The following DSCAML1 variants were observed in gnomAD, a reference collection of about 807,000 sequenced individuals.
The protein encoded by DSCAML1 is cell adhesion molecule DSCAML1.
A neutral mutation model predicts 200.5 loss-of-function variants in DSCAML1; 38 were observed. The ratio of observed to expected loss-of-function variants is 0.19; its 90% CI spans 0.15 to 0.25. The LOEUF (loss-of-function observed/expected upper bound fraction) is 0.25. DSCAML1 is among the 10% of genes least tolerant of loss of function. The pLI is 1.00. For missense variants in DSCAML1, 2,223 were observed against 2,858.8 expected, an observed-to-expected ratio of 0.78 and a Z score of 5.07; for synonymous variants, 1,215 against 1,165.0, an observed-to-expected ratio of 1.04 and a Z score of -0.87.
At chr11:117,668,128 T>C (rs1215552462) in intron 3 of DSCAML1, among the ~76,000 whole-genome samples, 1 of 152,226 alleles carries the variant, frequency 6.6e-6, no homozygotes, top group Non-Finnish European at 1.5e-5. Context: ...ATTCACTCTT[T>C]TAAAAATATT....
intron 3 of DSCAML1, among the ~76,000 whole-genome samples, chr11:117,576,160 C>T (rs1054283393): frequency 6.6e-6 from 1 of 152,148 alleles, no homozygotes; most frequent in Non-Finnish European, 1.5e-5. Context: ...GTACCCTTAC[C>T]CGGACCTTCT....
chr11:117,510,575 C>T (rs910939396), intron 8 of DSCAML1, among the ~76,000 whole-genome samples: 2 of 152,180 alleles, frequency 1.3e-5, no homozygotes, highest in Admixed American at 1.3e-4. Flanking sequence ...GTCTCCTTGG[C>T]ACTCTCAGCC....
intron 3 of DSCAML1, among the ~76,000 whole-genome samples, chr11:117,739,628 G>A (rs187154241): frequency 6.6e-6 from 1 of 152,208 alleles, no homozygotes. Context: ...ACCCCACAGT[G>A]GATACTGGAC....
chr11:117,514,766 G>C (rs1291148784), intron 8 of DSCAML1, among the ~76,000 whole-genome samples: 2 of 152,022 alleles, frequency 1.3e-5, no homozygotes, highest in Non-Finnish European at 2.9e-5. Flanking sequence ...ATTTTTACTA[G>C]AGACAGGGTT....
chr11:117,491,749 G>T (rs1160626674), intron 11 of DSCAML1, among the ~76,000 whole-genome samples: 1 of 152,192 alleles, frequency 6.6e-6, no homozygotes, highest in Admixed American at 6.5e-5. Context: ...ACTCCAGCCT[G>T]TACAACAGAG....
intron 3 of DSCAML1, among the ~76,000 whole-genome samples, chr11:117,684,228 A>G (rs1463594950): frequency 2.0e-5 from 3 of 152,000 alleles, no homozygotes; most frequent in Non-Finnish European, 4.4e-5. Context: ...GCACAGGGAG[A>G]GCAAAAGAGG....
At chr11:117,634,379 C>T (rs1363236192) in intron 3 of DSCAML1, among the ~76,000 whole-genome samples, 1 of 152,198 alleles carries the variant, frequency 6.6e-6, no homozygotes, top group East Asian at 1.9e-4. Flanking sequence ...ATACCCTTTC[C>T]AGCCTCCGCT....
At chr11:117,784,609 C>A (rs1335072983) in intron 1 of DSCAML1, among the ~76,000 whole-genome samples, 1 of 152,164 alleles carries the variant, frequency 6.6e-6, no homozygotes, top group Non-Finnish European at 1.5e-5. Flanking sequence ...GGTTTCCCCA[C>A]CTTCTCAGAC....
At chr11:117,547,634 C>T (rs1228501591) in intron 3 of DSCAML1, among the ~76,000 whole-genome samples, 1 of 152,204 alleles carries the variant, frequency 6.6e-6, no homozygotes, top group East Asian at 1.9e-4. Context: ...AACCTTCCCT[C>T]CCCCAACACC....
intron 3 of DSCAML1, among the ~76,000 whole-genome samples, chr11:117,655,390 G>A (rs1309086933): frequency 6.6e-6 from 1 of 152,186 alleles, no homozygotes; most frequent in Non-Finnish European, 1.5e-5. Flanking sequence ...GACTTTACAG[G>A]TACTTACAAC....
chr11:117,527,293 C>A (rs1198624589), intron 4 of DSCAML1, among the ~76,000 whole-genome samples: 1 of 152,154 alleles, frequency 6.6e-6, no homozygotes, highest in Non-Finnish European at 1.5e-5. Flanking sequence ...TCCCCATCTC[C>A]CCACCCTCCT....
chr11:117,691,439 A>C (rs1288668385), intron 3 of DSCAML1, among the ~76,000 whole-genome samples: 1 of 152,144 alleles, frequency 6.6e-6, no homozygotes, highest in Non-Finnish European at 1.5e-5. Flanking sequence ...TGCCATTTAC[A>C]TTCAGTTGCA....
At chr11:117,464,499 G>T (rs1246197576) in intron 17 of DSCAML1, among the ~76,000 whole-genome samples, 1 of 152,184 alleles carries the variant, frequency 6.6e-6, no homozygotes, top group Non-Finnish European at 1.5e-5. Context: ...CCGCATGCAC[G>T]TTAGGATTTC....
At chr11:117,651,710 T>TAAAA (rs2052635068) in intron 3 of DSCAML1, among the ~76,000 whole-genome samples, 1 of 36,802 alleles carries the variant, frequency 2.7e-5, no homozygotes, top group Non-Finnish European at 4.5e-5. Flanking sequence ...AGACTCTGTC[T>TAAAA]CAAAAAAAAA....
chr11:117,491,988 A>C (rs1192686794), intron 11 of DSCAML1, among the ~76,000 whole-genome samples: 1 of 152,016 alleles, frequency 6.6e-6, no homozygotes, highest in Admixed American at 6.6e-5. Context: ...GAGGGTCTGG[A>C]GGAGGTTCTC....
Position 117,439,446 on chromosome 11 carries a change from T to G in DSCAML1, c.3981-17A>C, listed in dbSNP as rs528616776. ...GAGTCTTCACTGCCAGGGGCGAGGA[T>G]GGGGCGGGTGGGTCATGTCAAGCAC... On this transcript the variant is annotated splice_polypyrimidine_tract_variant and intron_variant, in intron 22 of 32. Coordinates refer to ENST00000651296, the MANE Select transcript of DSCAML1 (RefSeq NM_020693.4). 2.3e-5 allele frequency: 37 copies of G among 1,605,780 alleles called. No homozygotes were observed. In the South Asian group the frequency reaches 4.1e-4, roughly 18 times the overall value.
chr11:117,485,331 A>T (rs755286577), intron 11 of DSCAML1, among the ~76,000 whole-genome samples: 28 of 152,242 alleles, frequency 1.8e-4, no homozygotes, highest in Admixed American at 9.2e-4. Flanking sequence ...TAACAACCAT[A>T]CCTGGAGCCT....
intron 3 of DSCAML1, among the ~76,000 whole-genome samples, chr11:117,718,290 G>A (rs2053986762): frequency 6.6e-6 from 1 of 152,128 alleles, no homozygotes; most frequent in Non-Finnish European, 1.5e-5. Context: ...CCAAAGTGCT[G>A]GGAACCGGCA....
At chr11:117,577,453 CT>C (rs1448838366) in intron 3 of DSCAML1, among the ~76,000 whole-genome samples, 1 of 60,092 alleles carries the variant, frequency 1.7e-5, no homozygotes, top group African/African-American at 4.5e-5. Context: ...TCCTTCCTTC[CT>C]TCCTTTCCTT....
Sources: gnomAD v4.1 joint callset for allele counts (sites outside exome capture counted in the v4.1 genomes callset) on GRCh38, gnomAD v4.1.1 for gene constraint, MANE v1.5 for transcripts, NCBI Gene and HGNC (gene_info 2026-07-23, HGNC 2026-07-21) for gene names.